Variants in SUSD4 observed in about 807,000 individuals in gnomAD.
SUSD4 encodes the protein sushi domain-containing protein 4.
SUSD4 carries 41 observed loss-of-function variants against 50.5 expected under a neutral mutation model. That is an observed-to-expected ratio of 0.81 (90% CI 0.63 to 1.05). The LOEUF (loss-of-function observed/expected upper bound fraction) is 1.05. Ranked by LOEUF, SUSD4 falls within the 50% of genes least tolerant of loss-of-function variation. The pLI is 0.00. For missense variants in SUSD4, 580 were observed against 634.7 expected, an observed-to-expected ratio of 0.91 and a Z score of 0.93; for synonymous variants, 257 against 257.3, an observed-to-expected ratio of 1.00 and a Z score of 0.01.
intron 5 of SUSD4, among the ~76,000 whole-genome samples, chr1:223,254,903 T>C (rs1191073692): frequency 7.2e-6 from 1 of 139,800 alleles, no homozygotes; most frequent in African/African-American, 2.4e-5. Context: ...ATATGAACAG[T>C]ACATGGAAAT....
intron 2 of SUSD4, among the ~76,000 whole-genome samples, chr1:223,304,326 C>T (rs1029966558): frequency 6.6e-6 from 1 of 152,188 alleles, no homozygotes; most frequent in East Asian, 1.9e-4. Context: ...TGTCTTTACA[C>T]AATCCTGCAT....
chr1:223,341,796 A>C (rs1558266409), intron 2 of SUSD4, among the ~76,000 whole-genome samples: 1 of 152,078 alleles, frequency 6.6e-6, no homozygotes, highest in African/African-American at 2.4e-5. Flanking sequence ...GAATGGAAAG[A>C]GGCGGACTTT....
At chr1:223,235,740 C>A (rs1660176534) in intron 5 of SUSD4, among the ~76,000 whole-genome samples, 1 of 152,070 alleles carries the variant, frequency 6.6e-6, no homozygotes, top group Non-Finnish European at 1.5e-5. Context: ...TCTGGATGTA[C>A]CATAGTTTAT....
At chr1:223,337,359 A>G (rs1016529080) in intron 2 of SUSD4, among the ~76,000 whole-genome samples, 2 of 151,234 alleles carry the variant, frequency 1.3e-5, no homozygotes, top group South Asian at 4.2e-4. Flanking sequence ...AGTACAATGC[A>G]TGAATGAATG....
At chr1:223,286,074 A>G (rs562013599) in intron 3 of SUSD4, among the ~76,000 whole-genome samples, 1 of 152,346 alleles carries the variant, frequency 6.6e-6, no homozygotes, top group East Asian at 1.9e-4. Context: ...ACCTGGGAGA[A>G]GCTGGGACTA....
intron 5 of SUSD4, among the ~76,000 whole-genome samples, chr1:223,262,302 C>T (rs1232915079): frequency 6.6e-6 from 1 of 152,156 alleles, no homozygotes; most frequent in Non-Finnish European, 1.5e-5. Context: ...CTAAAAGCCC[C>T]TTAGAGCATC....
chr1:223,297,251 G>C (rs1664888852), intron 2 of SUSD4, among the ~76,000 whole-genome samples: 1 of 152,250 alleles, frequency 6.6e-6, no homozygotes, highest in African/African-American at 2.4e-5. Context: ...AGTATGTGTG[G>C]ACTGCTCTTT....
intron 3 of SUSD4, among the ~76,000 whole-genome samples, chr1:223,271,277 T>C (rs958211010): frequency 8.5e-5 from 13 of 152,232 alleles, no homozygotes; most frequent in African/African-American, 3.1e-4. Context: ...GGACATTGGC[T>C]GGCTGGGAGC....
At chr1:223,310,585 G>A (rs1325026732) in intron 2 of SUSD4, among the ~76,000 whole-genome samples, 2 of 150,658 alleles carry the variant, frequency 1.3e-5, no homozygotes, top group South Asian at 2.1e-4. Context: ...CAAAAAAGAC[G>A]TGTGCACATG....
intron 3 of SUSD4, among the ~76,000 whole-genome samples, chr1:223,280,413 C>CA (rs138661681): frequency 0.48 from 73,178 of 150,956 alleles, 19,514 homozygotes; most frequent in African/African-American, 0.72. Context: ...GAATGGAAAA[C>CA]AAAAAAAGGC....
chr1:223,312,307 T>C (rs1048758246), intron 2 of SUSD4, among the ~76,000 whole-genome samples: 1 of 152,092 alleles, frequency 6.6e-6, no homozygotes, highest in African/African-American at 2.4e-5. Flanking sequence ...AGTGGGCAAA[T>C]AGGACAGGCT....
chr1:223,307,170 T>C (rs1177566051), intron 2 of SUSD4, among the ~76,000 whole-genome samples: 1 of 152,194 alleles, frequency 6.6e-6, no homozygotes, highest in African/African-American at 2.4e-5. Flanking sequence ...CAGTCTCTTC[T>C]TGAAAAAACC....
chr1:223,290,478 T>C (rs1664418358), intron 3 of SUSD4, among the ~76,000 whole-genome samples: 2 of 152,162 alleles, frequency 1.3e-5, no homozygotes, highest in African/African-American at 4.8e-5. Context: ...CTTAGAAAGG[T>C]AATATCTGCT....
At chr1:223,331,264 G>A (rs1667155422) in intron 2 of SUSD4, among the ~76,000 whole-genome samples, 1 of 152,174 alleles carries the variant, frequency 6.6e-6, no homozygotes, top group Non-Finnish European at 1.5e-5. Flanking sequence ...ATTCAATTTG[G>A]GGGCGCTTTG....
intron 2 of SUSD4, among the ~76,000 whole-genome samples, chr1:223,309,735 T>A (rs917856287): frequency 6.6e-6 from 1 of 152,244 alleles, no homozygotes; most frequent in Non-Finnish European, 1.5e-5. Context: ...GAGGCCTGGA[T>A]GAAAGGCATT....
intron 2 of SUSD4, among the ~76,000 whole-genome samples, chr1:223,357,522 CTTCTT>C (rs1668731602): frequency 1.3e-5 from 2 of 152,116 alleles, no homozygotes; most frequent in African/African-American, 4.8e-5. Flanking sequence ...CTTTCCATGC[CTTCTT>C]TTCTTCTTCT....
At chr1:223,291,475 G>A (rs1365420271) in intron 3 of SUSD4, among the ~76,000 whole-genome samples, 24 of 115,808 alleles carry the variant, frequency 2.1e-4, no homozygotes, top group Non-Finnish European at 3.5e-4. Flanking sequence ...GATGACAGAG[G>A]GAGACACTGT....
chr1:223,341,552 C>T (rs1667761316), intron 2 of SUSD4, among the ~76,000 whole-genome samples: 1 of 150,602 alleles, frequency 6.6e-6, no homozygotes, highest in African/African-American at 2.4e-5. Context: ...CCACGCAGAA[C>T]ACCCGATGCA....
intron 5 of SUSD4, among the ~76,000 whole-genome samples, chr1:223,258,444 A>T (rs1454332704): frequency 1.3e-5 from 2 of 151,848 alleles, no homozygotes; most frequent in Admixed American, 1.3e-4. Context: ...ACACTGCTGC[A>T]TTCCCTGTGA....
Sources: allele counts gnomAD v4.1 joint callset (sites outside exome capture counted in the v4.1 genomes callset), GRCh38; gene constraint gnomAD v4.1.1; transcripts MANE v1.5; gene names NCBI Gene and HGNC (gene_info 2026-07-23, HGNC 2026-07-21).